The following CCDC27 variants were observed in gnomAD, a reference collection of about 807,000 sequenced individuals.
CCDC27 encodes the protein coiled-coil domain containing 27.
Under a neutral mutation model 80.3 loss-of-function variants are expected in CCDC27, and 80 were observed. The observed-to-expected ratio is 1.00, with a 90% CI of 0.83 to 1.20. The LOEUF (loss-of-function observed/expected upper bound fraction) is 1.20, where lower values mean the gene tolerates loss of function less well. CCDC27 is among the 50% of genes most tolerant of loss of function. The pLI, the probability that CCDC27 is intolerant of heterozygous loss-of-function variation, is 0.00. For synonymous variants in CCDC27, 342 were observed against 334.3 expected, an observed-to-expected ratio of 1.02 and a Z score of -0.25; for missense variants, 815 against 809.4, an observed-to-expected ratio of 1.01 and a Z score of -0.08.
chr1:3,763,599 A>G lies in CCDC27; in HGVS notation c.1322-107A>G. The G allele has an allele frequency of 6.4e-7, 1 of 1,564,940 alleles. No individual in the cohort carries two copies. The highest frequency in any genetic ancestry group is 8.7e-7 in the Non-Finnish European group (1 of 1,148,432). On this transcript the variant is annotated intron_variant, in intron 7 of 11. Transcript: ENST00000294600. This position sits in a 1 kb window ranked among gnomAD's most constrained non-coding sequence, Gnocchi z 7.5. The stretch of plus-strand genomic sequence containing the variant: ...AGCAGGGGCAGGTGTCGGCAGCCTC[A>G]CCCAGGCTGGCAGAGCCCTCCCAGC...
In CCDC27 at chr1:3,761,351, A is replaced by C; in HGVS notation, c.782A>C (p.Glu261Ala). The C allele has an allele frequency of 1.2e-6, 2 of 1,614,176 alleles. No individual in the cohort carries two copies. The highest frequency in any genetic ancestry group is 2.2e-5 in the East Asian group (1 of 44,878). ...KDEEILLLQEEREALKMQLKC... is the reference protein window; with the variant it reads ...KDEEILLLQEAREALKMQLKC... ...GAGGAGATCCTGCTGCTCCAGGAGG[A>C]GAGGGAGGCCCTGAAGATGCAGCTG... The change falls in exon 5 of 12, where the codon GAG becomes GCG. Residue 261 changes from glutamate (E) to alanine (A), a missense_variant. Transcript: ENST00000294600. The surrounding 1 kb of genome is among the most constrained non-coding windows in gnomAD (Gnocchi z 5.0).
At chr1:3,756,933 C>G (rs370803861) in intron 4 of CCDC27, 43 bp downstream of exon 4, 376 of 1,582,224 alleles carry the variant, frequency 2.4e-4, no homozygotes, top group South Asian at 6.9e-4. Flanking sequence ...CCACCCCTCT[C>G]TCTGCGTCCG....
At chr1:3,754,081 G>A (rs774508129) in intron 1 of CCDC27, 37 bp from the exon 2 acceptor site, 1 of 1,605,906 alleles carries the variant, frequency 6.2e-7, no homozygotes, top group South Asian at 1.1e-5. Flanking sequence ...ACAGTCAGGG[G>A]CCTTCCTTGT....
intron 1 of CCDC27, among the ~76,000 whole-genome samples, chr1:3,753,088 G>A (rs530538391): frequency 8.5e-5 from 13 of 152,244 alleles, no homozygotes; most frequent in East Asian, 3.9e-4. Flanking sequence ...CTTGGCTCCC[G>A]GTGTCTCTGG....
chr1:3,762,706 G>C lies in CCDC27; in HGVS notation c.948G>C (p.Trp316Cys). 6.5e-7 allele frequency: 1 copy of C among 1,549,048 alleles called. No homozygotes were observed. The highest frequency in any genetic ancestry group is 1.4e-5 in the African/African-American group (1 of 73,098). Residue 316 changes from tryptophan (W) to cysteine (C), a missense_variant, in exon 6 of 12, where the codon TGG (tryptophan) becomes TGC (cysteine). Coordinates refer to ENST00000294600, the MANE Select transcript of CCDC27 (RefSeq NM_152492.3). ...FSRHEEELQH[W>C]WQMQEESAAP... ...GACATGAGGAGGAGCTGCAGCACTG[G>C]TGGCAGGTGCGGGCCGCCTGGAGAG...
At chr1:3,755,717 C>G in intron 3 of CCDC27, 150 bp downstream of exon 3, 1 of 663,854 alleles carries the variant, frequency 1.5e-6, no homozygotes, top group Non-Finnish European at 2.7e-6. Flanking sequence ...TCCGGGCCTC[C>G]CTTGTGCAGA....
At position 3,763,570 on chromosome 1, in the gene CCDC27, C is replaced by T. The variant is rs1643148418; in HGVS notation, c.1321+96C>T. ...GACGCTGCCTGCTCTGGTCAGTGAG[C>T]TGGAGCAGGGGCAGGTGTCGGCAGC... On this transcript the variant is annotated intron_variant, in intron 7 of 11. Coordinates refer to ENST00000294600, the MANE Select transcript of CCDC27 (RefSeq NM_152492.3). The surrounding 1 kb of genome is among the most constrained non-coding windows in gnomAD (Gnocchi z 7.5). 6.4e-7 allele frequency: 1 copy of T among 1,551,668 alleles called. No homozygotes were observed. The highest frequency in any genetic ancestry group is 8.7e-7 in the Non-Finnish European group (1 of 1,145,858).
In CCDC27 at chr1:3,769,968, A is replaced by G. The variant is rs1643321826; in HGVS notation, c.1848+81A>G. ...TGTGGTAGGGGGTTGTGGGGGGCCTAGATTCCAGGGACTCTGTTCTCATCC... is the reference window on the plus strand; with the variant it reads ...TGTGGTAGGGGGTTGTGGGGGGCCTGGATTCCAGGGACTCTGTTCTCATCC... On this transcript the variant is annotated intron_variant, in intron 11 of 11. Coordinates refer to ENST00000294600, the MANE Select transcript of CCDC27 (RefSeq NM_152492.3). This position sits in a 1 kb window ranked among gnomAD's most constrained non-coding sequence, Gnocchi z 4.6. 1 of 981,020 alleles carries G rather than the reference A, an allele frequency of 1.0e-6. No homozygotes were observed. Among genetic ancestry groups the G allele is most frequent in the Non-Finnish European group, 1.6e-6 (1 of 606,734 alleles). 60.8% of individuals were successfully genotyped at this position (981,020 alleles called of 1,614,324 possible). A position where few individuals can be genotyped will look rare whatever the true frequency, so the allele number is the denominator to read the frequency against.
In CCDC27 at chr1:3,769,273, C is replaced by T. The variant is rs1413327884; in HGVS notation, c.1744-510C>T. Among the ~76,000 whole-genome samples the T allele has an allele frequency of 1.3e-5, 2 of 152,018 alleles. No individual in the cohort carries two copies. Among genetic ancestry groups the T allele is most frequent in the Non-Finnish European group, 2.9e-5 (2 of 67,984 alleles). ...CGAGAACGCCTTCTGGGTCTGTGCGCGGGGGCCAGGTTCAACGCTGCTGTC... is the reference window on the plus strand; with the variant it reads ...CGAGAACGCCTTCTGGGTCTGTGCGTGGGGGCCAGGTTCAACGCTGCTGTC... On this transcript the variant is annotated intron_variant, in intron 10 of 11. Transcript: ENST00000294600. This position sits in a 1 kb window ranked among gnomAD's most constrained non-coding sequence, Gnocchi z 4.6.
In CCDC27 at chr1:3,756,820, G is replaced by A. The variant is rs145342053; in HGVS notation, c.641G>A (p.Ser214Asn). The change falls in exon 4 of 12, where the codon AGC becomes AAC. Residue 214 changes from serine to asparagine, a missense_variant. Transcript: ENST00000294600. ...TCCCAGACTTTGAGTCCGGTCACCA[G>A]CAGCTCAGTCGCATCTCAGAGCTGC... ...RKSQTLSPVTSSSVASQSCLR... is the reference protein window; with the variant it reads ...RKSQTLSPVTNSSVASQSCLR... The A allele has an allele frequency of 3.8e-4, 621 of 1,614,064 alleles. 3 individuals are homozygous for A. In the African/African-American group the frequency reaches 6.6e-3, roughly 17 times the overall value.
At position 3,768,625 on chromosome 1, in the gene CCDC27, G is replaced by A. The variant is rs181811451; in HGVS notation, c.1744-1158G>A. 1.3e-5 allele frequency among the ~76,000 whole-genome samples: 2 copies of A among 152,278 alleles called. No homozygotes were observed. ...CTGGTGAAAGCGTTAGACCAGAGGC[G>A]GTCTAGGTGTGTCCATTTGTGCGCC... On this transcript the variant is annotated intron_variant, in intron 10 of 11. Coordinates refer to ENST00000294600, the MANE Select transcript of CCDC27 (RefSeq NM_152492.3). This position sits in a 1 kb window ranked among gnomAD's most constrained non-coding sequence, Gnocchi z 5.6.
At position 3,769,300 on chromosome 1, in the gene CCDC27, A is replaced by G. The variant is rs1446933567; in HGVS notation, c.1744-483A>G. Among the ~76,000 whole-genome samples the G allele has an allele frequency of 6.6e-6, 1 of 152,076 alleles. No homozygotes were observed. Among genetic ancestry groups the G allele is most frequent in the Non-Finnish European group, 1.5e-5 (1 of 67,996 alleles). Reference sequence around the variant, plus strand: ...GGGGCCAGGTTCAACGCTGCTGTCCATGGCACAGACACCTCCTAGTCAGCA... The same window carrying G: ...GGGGCCAGGTTCAACGCTGCTGTCCGTGGCACAGACACCTCCTAGTCAGCA... On this transcript the variant is annotated intron_variant, in intron 10 of 11. Transcript: ENST00000294600. This position sits in a 1 kb window ranked among gnomAD's most constrained non-coding sequence, Gnocchi z 4.6.
chr1:3,765,117 A>G (rs1181876), intron 8 of CCDC27, among the ~76,000 whole-genome samples: 105,484 of 151,562 alleles, frequency 0.7, 38,121 homozygotes, highest in African/African-American at 0.91. Flanking sequence ...CTATACCCTC[A>G]TAACATCTGG....
At chr1:3,764,034 G>C (rs976257179) in intron 8 of CCDC27, among the ~76,000 whole-genome samples, 198 bp downstream of exon 8, 1 of 152,178 alleles carries the variant, frequency 6.6e-6, no homozygotes, top group Non-Finnish European at 1.5e-5. Context: ...TGGGAGGCTG[G>C]AGCCCATGTG....
chr1:3,761,486 C>G lies in CCDC27; in HGVS notation c.861+56C>G. ...AGCTCTAAGACGGTTGTTTTCAAAG[C>G]GTCCAAAGCTGCTAGTGACACACAG... On this transcript the variant is annotated intron_variant, in intron 5 of 11. Coordinates refer to ENST00000294600, the MANE Select transcript of CCDC27 (RefSeq NM_152492.3). The surrounding 1 kb of genome is among the most constrained non-coding windows in gnomAD (Gnocchi z 5.0). The G allele has an allele frequency of 6.4e-7, 1 of 1,574,190 alleles. No individual in the cohort carries two copies. The highest frequency in any genetic ancestry group is 8.6e-7 in the Non-Finnish European group (1 of 1,159,172).
chr1:3,761,217 G>A lies in CCDC27; in HGVS notation c.712-64G>A, dbSNP rs1643076313. The A allele has an allele frequency of 1.3e-6, 2 of 1,573,164 alleles. No homozygotes were observed. The highest frequency in any genetic ancestry group is 1.4e-5 in the African/African-American group (1 of 73,752). Reference sequence around the variant, plus strand: ...TCTGCTCCTCCTGGGTGGGCTGGAGGCAGGTCAGGGGAAGAGTGTGTGGCT... The same window carrying A: ...TCTGCTCCTCCTGGGTGGGCTGGAGACAGGTCAGGGGAAGAGTGTGTGGCT... On this transcript the variant is annotated intron_variant, in intron 4 of 11. Coordinates refer to ENST00000294600, the MANE Select transcript of CCDC27 (RefSeq NM_152492.3). This position sits in a 1 kb window ranked among gnomAD's most constrained non-coding sequence, Gnocchi z 5.0.
At position 3,754,220 on chromosome 1, in the gene CCDC27, G is replaced by A. The variant is rs756869473; in HGVS notation, c.421G>A (p.Ala141Thr). Residue 141 changes from alanine to threonine, a missense_variant, in exon 2 of 12, where the codon GCC (alanine) becomes ACC (threonine). By Grantham distance (58) the Ala-to-Thr change is moderately conservative. Transcript: ENST00000294600. ...TGACTGCCCCCAGTTCAGCACCAGG[G>A]CCACATCCATGTCCCACTGTGGTAA... ...HPDCPQFSTR[A>T]TSMSHCGSPT... 3.1e-6 allele frequency: 5 copies of A among 1,611,204 alleles called. No homozygotes were observed. The highest frequency in any genetic ancestry group is 4.2e-6 in the Non-Finnish European group (5 of 1,178,808).
At chr1:3,767,474 T>C in intron 10 of CCDC27, 29 bp downstream of exon 10, 3 of 1,581,394 alleles carry the variant, frequency 1.9e-6, no homozygotes, top group Non-Finnish European at 2.6e-6. Flanking sequence ...CCTGAGGGTC[T>C]GTCCCAGCAG....
rs765145919 is a variant in CCDC27, at chr1:3,767,311, C to T, written c.1609C>T (p.Gln537Ter). ...SELDTKVSQL[Q>*]EQVELDQNHL... ...GTTGGACACCAAGGTCAGCCAGCTG[C>T]AGGAGCAGGTGGAACTGGACCAGAA... The change falls in exon 10 of 12, where the codon CAG becomes TAG. Residue 537 changes from glutamine (Q) to a stop codon, truncating the protein, a stop_gained. Coordinates refer to ENST00000294600, the MANE Select transcript of CCDC27 (RefSeq NM_152492.3). LOFTEE classifies it high-confidence loss of function. 6.2e-7 allele frequency: 1 copy of T among 1,614,074 alleles called. No homozygotes were observed. The highest frequency in any genetic ancestry group is 8.5e-7 in the Non-Finnish European group (1 of 1,180,034).
Sources: gnomAD v4.1 joint callset for allele counts (sites outside exome capture counted in the v4.1 genomes callset) on GRCh38, gnomAD v4.1.1 for gene constraint, Gnocchi (gnomAD v3.1) non-coding constraint, MANE v1.5 for transcripts, NCBI Gene and HGNC (gene_info 2026-07-23, HGNC 2026-07-21) for gene names.